SCAPER: variants seen among roughly 807,000 people sequenced by gnomAD.
The protein encoded by SCAPER is S phase cyclin A-associated protein in the endoplasmic reticulum.
A neutral mutation model predicts 182.2 loss-of-function variants in SCAPER; 98 were observed. The ratio of observed to expected loss-of-function variants is 0.54; its 90% CI spans 0.46 to 0.64. The LOEUF (loss-of-function observed/expected upper bound fraction) is 0.64. SCAPER is among the 30% of genes least tolerant of loss of function. The pLI is 0.00. For missense variants in SCAPER, 1,432 were observed against 1,690.0 expected (o/e 0.85, Z 2.68); for synonymous variants, 605 against 564.6 (o/e 1.07, Z -1.01).
chr15:76,487,632 T>C (rs941643927), intron 24 of SCAPER, among the ~76,000 whole-genome samples: 1 of 152,096 alleles, frequency 6.6e-6, no homozygotes, highest in African/African-American at 2.4e-5. Flanking sequence ...GAAGAGGAAA[T>C]ACCTGGGAAC....
At chr15:76,779,833 A>G (rs559342306) in intron 8 of SCAPER, among the ~76,000 whole-genome samples, 1 of 152,250 alleles carries the variant, frequency 6.6e-6, no homozygotes, top group South Asian at 2.1e-4. Context: ...ATAAACAATT[A>G]TAAGCTATGA....
intron 14 of SCAPER, among the ~76,000 whole-genome samples, chr15:76,757,377 T>A (rs1024394206): frequency 6.6e-6 from 1 of 152,132 alleles, no homozygotes; most frequent in African/African-American, 2.4e-5. Flanking sequence ...TAGCTTAATA[T>A]CCTCTAGCTC....
chr15:76,803,922 A>G (rs530037837), intron 6 of SCAPER, among the ~76,000 whole-genome samples: 1 of 152,232 alleles, frequency 6.6e-6, no homozygotes, highest in Non-Finnish European at 1.5e-5. Context: ...CTTGGCACAC[A>G]GCATTCAGAT....
chr15:76,385,406 T>C lies in SCAPER; in HGVS notation c.3468-3791A>G, dbSNP rs572426746. ...CTGATCTTCAGTGCAGGTGATCTTC[T>C]AGATTGTTCTCTTAGCTTCTTGGAG... On this transcript the variant is annotated intron_variant, in intron 27 of 31. Transcript: ENST00000563290. 2.0e-5 allele frequency among the ~76,000 whole-genome samples: 3 copies of C among 152,352 alleles called. No homozygotes were observed. In the East Asian group the frequency reaches 5.8e-4, roughly 29 times the overall value.
chr15:76,882,389 C>T (rs1312196170), intron 2 of SCAPER, among the ~76,000 whole-genome samples: 1 of 150,308 alleles, frequency 6.7e-6, no homozygotes, highest in Non-Finnish European at 1.5e-5. Flanking sequence ...GACTCTGTCT[C>T]CAGAAGAAAA....
intron 26 of SCAPER, among the ~76,000 whole-genome samples, chr15:76,416,023 G>T (rs1033640569): frequency 6.6e-6 from 1 of 152,072 alleles, no homozygotes; most frequent in African/African-American, 2.4e-5. Context: ...GCAATATTAA[G>T]ATGAAGGGTT....
rs1303596619 is a variant in SCAPER, at chr15:76,767,182, C to T, written c.1249-94G>A. On this transcript the variant is annotated intron_variant, in intron 10 of 31. Transcript: ENST00000563290. The stretch of plus-strand genomic sequence containing the variant: ...GTTCTAACATGAACTCAACAGTATA[C>T]ATAAAATTGTATTGATCTAGAATCA... 3.5e-6 allele frequency: 4 copies of T among 1,149,054 alleles called. No individual in the cohort carries two copies. The African/African-American group carries it at 4.7e-5, about 14-fold the overall frequency. The allele number at this position is 1,149,054 out of a possible 1,614,324, so 71.2% of individuals were successfully genotyped here. A position where few individuals can be genotyped will look rare whatever the true frequency, so the allele number is the denominator to read the frequency against.
At chr15:76,473,142 A>G (rs1404470048) in intron 24 of SCAPER, among the ~76,000 whole-genome samples, 1 of 152,172 alleles carries the variant, frequency 6.6e-6, no homozygotes, top group Non-Finnish European at 1.5e-5. Context: ...AAAGCTGTTA[A>G]ACAATATGCT....
intron 1 of SCAPER, among the ~76,000 whole-genome samples, chr15:76,897,688 C>T (rs2074514486): frequency 6.6e-6 from 1 of 152,136 alleles, no homozygotes; most frequent in African/African-American, 2.4e-5. Context: ...GCCTGGGTGA[C>T]AGAGACTCTA....
In SCAPER at chr15:76,433,371, G is replaced by A. The variant is rs149721232; in HGVS notation, c.3311+707C>T. Among the ~76,000 whole-genome samples the A allele has an allele frequency of 8.5e-5, 13 of 152,250 alleles. No individual in the cohort carries two copies. In the East Asian group the frequency reaches 1.4e-3, roughly 16 times the overall value. ...AAAAATACAAAAATTAGCCAGGCATGGTGGCATGTGCCTGTAATCCCAGCT... is the reference window on the plus strand; with the variant it reads ...AAAAATACAAAAATTAGCCAGGCATAGTGGCATGTGCCTGTAATCCCAGCT... On this transcript the variant is annotated intron_variant, in intron 26 of 31. Transcript: ENST00000563290.
At chr15:76,513,433 C>G (rs746510601) in intron 23 of SCAPER, among the ~76,000 whole-genome samples, 3 of 152,050 alleles carry the variant, frequency 2.0e-5, no homozygotes, top group African/African-American at 4.8e-5. Flanking sequence ...AAGGGAAAAT[C>G]AAGCTGTCTC....
chr15:76,721,782 C>A (rs2060259538), intron 17 of SCAPER, among the ~76,000 whole-genome samples: 1 of 152,048 alleles, frequency 6.6e-6, no homozygotes, highest in African/African-American at 2.4e-5. Context: ...ATTTTGTATC[C>A]TGAGACTTTG....
At chr15:76,729,715 A>G (rs1191846002) in intron 16 of SCAPER, among the ~76,000 whole-genome samples, 2 of 152,180 alleles carry the variant, frequency 1.3e-5, no homozygotes, top group African/African-American at 2.4e-5. Flanking sequence ...TTAGGATATT[A>G]TAAAGCACAG....
chr15:76,673,936 A>G (rs2057195762), intron 20 of SCAPER, among the ~76,000 whole-genome samples: 1 of 140,918 alleles, frequency 7.1e-6, no homozygotes, highest in Non-Finnish European at 1.5e-5. Context: ...AAATCCATCA[A>G]TTCATAATTT....
intron 23 of SCAPER, among the ~76,000 whole-genome samples, chr15:76,538,886 C>T (rs761536400): frequency 2.0e-5 from 3 of 152,014 alleles, no homozygotes; most frequent in Non-Finnish European, 4.4e-5. Context: ...GGACACTTTC[C>T]ATTCCTCCGA....
At chr15:76,505,242 A>G (rs1277501829) in intron 23 of SCAPER, among the ~76,000 whole-genome samples, 2 of 152,204 alleles carry the variant, frequency 1.3e-5, no homozygotes, top group East Asian at 3.9e-4. Context: ...AAAATGGACA[A>G]GTGGGATCAC....
At chr15:76,472,807 G>C (rs1023003583) in intron 24 of SCAPER, among the ~76,000 whole-genome samples, 8 of 152,192 alleles carry the variant, frequency 5.3e-5, no homozygotes, top group African/African-American at 1.9e-4. Flanking sequence ...TTGACTCCCA[G>C]GAGGAGGGAT....
chr15:76,743,861 G>A (rs1189536709), intron 15 of SCAPER, among the ~76,000 whole-genome samples: 1 of 152,168 alleles, frequency 6.6e-6, no homozygotes, highest in African/African-American at 2.4e-5. Flanking sequence ...AACAAAGCTT[G>A]AGGCATCACA....
chr15:76,775,173 G>A, intron 8 of SCAPER, 56 bp from the exon 9 acceptor site: 6 of 1,454,842 alleles, frequency 4.1e-6, no homozygotes, highest in South Asian at 2.9e-5. Context: ...AAAAATATTT[G>A]GAAACTCATA....
Sources: gnomAD v4.1 joint callset for allele counts (sites outside exome capture counted in the v4.1 genomes callset) on GRCh38, gnomAD v4.1.1 for gene constraint, MANE v1.5 for transcripts, NCBI Gene and HGNC (gene_info 2026-07-23, HGNC 2026-07-21) for gene names.